The following RBM6 variants were observed in gnomAD, a reference collection of about 807,000 sequenced individuals.
RBM6 encodes the protein RNA-binding protein 6.
RBM6 carries 23 observed loss-of-function variants against 140.4 expected under a neutral mutation model. The ratio of observed to expected loss-of-function variants is 0.16; its 90% CI spans 0.12 to 0.23. The LOEUF is 0.23. Ranked by LOEUF, RBM6 falls within the 10% of genes least tolerant of loss-of-function variation. The pLI is 1.00. For synonymous variants in RBM6, 439 were observed against 475.6 expected, an observed-to-expected ratio of 0.92 and a Z score of 1.00; for missense variants, 1,139 against 1,386.7, an observed-to-expected ratio of 0.82 and a Z score of 2.84.
intron 1 of RBM6, among the ~76,000 whole-genome samples, chr3:49,959,072 C>T (rs9825944): frequency 2.8e-3 from 428 of 150,212 alleles, no homozygotes; most frequent in African/African-American, 0.01. Flanking sequence ...GGATTACAGG[C>T]GTGAGCCACT....
chr3:49,950,957 G>C (rs2083704130), intron 1 of RBM6, among the ~76,000 whole-genome samples: 1 of 152,102 alleles, frequency 6.6e-6, no homozygotes, highest in African/African-American at 2.4e-5. Context: ...ACTATTCATT[G>C]ATGGATGAAT....
chr3:49,946,784 C>G (rs978701206), intron 1 of RBM6, among the ~76,000 whole-genome samples: 3 of 151,638 alleles, frequency 2.0e-5, no homozygotes, highest in Non-Finnish European at 2.9e-5. Context: ...ATCTGTCCAC[C>G]TTGGCCTCCC....
At chr3:50,063,369 G>A (rs905762043) in intron 15 of RBM6, among the ~76,000 whole-genome samples, 16 of 152,082 alleles carry the variant, frequency 1.1e-4, no homozygotes, top group Admixed American at 1.0e-3. Flanking sequence ...CACGTTGGGA[G>A]GCCAAGACAG....
At chr3:49,977,759 C>T (rs966021500) in intron 5 of RBM6, among the ~76,000 whole-genome samples, 1 of 152,134 alleles carries the variant, frequency 6.6e-6, no homozygotes, top group Admixed American at 6.5e-5. Flanking sequence ...TCTTACATAT[C>T]TGTTGAAGAA....
chr3:49,990,652 A>C (rs2085776855), intron 5 of RBM6, among the ~76,000 whole-genome samples: 1 of 152,246 alleles, frequency 6.6e-6, no homozygotes, highest in Non-Finnish European at 1.5e-5. Context: ...CGTATTTATC[A>C]AATGAATCTT....
intron 5 of RBM6, among the ~76,000 whole-genome samples, chr3:49,989,587 TAAATA>T (rs897521974): frequency 1.1e-4 from 17 of 152,046 alleles, no homozygotes; most frequent in East Asian, 3.9e-4. Flanking sequence ...AATAAATAAA[TAAATA>T]AAATAATAAT....
In RBM6 at chr3:50,077,069, C is replaced by G; in HGVS notation, c.3308C>G (p.Ser1103Cys). The change falls in exon 21 of 21, where the codon TCC (serine) becomes TGC (cysteine). Residue 1103 changes from serine to cysteine, a missense_variant. Around this residue, in one of 9 missense-constraint regions of RBM6, gnomAD observed 125 missense variants for 142.0 expected, o/e 0.88. Coordinates refer to ENST00000266022, the MANE Select transcript of RBM6 (RefSeq NM_005777.3). ...GASGRTSKRQSNETYRDAVRR... is the reference protein window; with the variant it reads ...GASGRTSKRQCNETYRDAVRR... ...TCAGGAAGAACCAGCAAAAGACAGT[C>G]CAACGAGACTTACCGAGATGCTGTT... 1 of 1,613,248 alleles carries G rather than the reference C, an allele frequency of 6.2e-7. No individual in the cohort carries two copies. Among genetic ancestry groups the G allele is most frequent in the Non-Finnish European group, 8.5e-7 (1 of 1,179,828 alleles).
intron 4 of RBM6, among the ~76,000 whole-genome samples, chr3:49,974,175 A>T (rs1412716047): frequency 6.6e-6 from 1 of 150,768 alleles, no homozygotes; most frequent in Admixed American, 6.6e-5. Flanking sequence ...AGGATTACAG[A>T]TGTGAGCCAC....
At chr3:50,055,091 C>T (rs547988644) in intron 8 of RBM6, among the ~76,000 whole-genome samples, 1 of 152,242 alleles carries the variant, frequency 6.6e-6, no homozygotes, top group East Asian at 1.9e-4. Context: ...CAAAGTGCTG[C>T]GATTACAGGC....
At chr3:50,031,325 A>G (rs1367277679) in intron 6 of RBM6, among the ~76,000 whole-genome samples, 3 of 152,220 alleles carry the variant, frequency 2.0e-5, no homozygotes, top group Non-Finnish European at 4.4e-5. Context: ...AAGACTTGGA[A>G]CCAATCCAAA....
At chr3:50,040,717 C>T (rs1294025702) in intron 6 of RBM6, among the ~76,000 whole-genome samples, 1 of 150,114 alleles carries the variant, frequency 6.7e-6, no homozygotes, top group African/African-American at 2.5e-5. Flanking sequence ...AATGCAATGG[C>T]GTGAGCTTGG....
At chr3:50,048,503 C>T (rs1559629546) in intron 7 of RBM6, among the ~76,000 whole-genome samples, 184 bp downstream of exon 7, 1 of 152,170 alleles carries the variant, frequency 6.6e-6, no homozygotes, top group African/African-American at 2.4e-5. Flanking sequence ...CCAGCTGCTA[C>T]ATGTGGCCAT....
chr3:50,059,545 C>A, intron 10 of RBM6, 104 bp from the exon 11 acceptor site: 2 of 911,886 alleles, frequency 2.2e-6, no homozygotes, highest in Non-Finnish European at 3.3e-6. Flanking sequence ...AATTTATCCT[C>A]TGAGAAGGAA....
At chr3:49,971,351 A>C (rs1243001227) in intron 3 of RBM6, among the ~76,000 whole-genome samples, 1 of 150,034 alleles carries the variant, frequency 6.7e-6, no homozygotes, top group Non-Finnish European at 1.5e-5. Flanking sequence ...AGGCTGAGGC[A>C]GGAGAATTGC....
At chr3:50,016,937 T>C (rs746492602) in intron 6 of RBM6, among the ~76,000 whole-genome samples, 3 of 150,974 alleles carry the variant, frequency 2.0e-5, no homozygotes, top group Non-Finnish European at 2.9e-5. Context: ...GTAATTCTCA[T>C]GCCTCAGCCT....
At chr3:50,023,362 G>A (rs1420635413) in intron 6 of RBM6, among the ~76,000 whole-genome samples, 1 of 151,976 alleles carries the variant, frequency 6.6e-6, no homozygotes, top group Non-Finnish European at 1.5e-5. Flanking sequence ...CTGGAGTACA[G>A]TGGCGCGATC....
Position 50,006,427 on chromosome 3 carries a change from T to A in RBM6, c.1557+6914T>A, listed in dbSNP as rs543642507. On this transcript the variant is annotated intron_variant, in intron 6 of 20. Transcript: ENST00000266022. Reference sequence around the variant, plus strand: ...CTGGGATTACACATGTGAGCCACTGTGCCCAGCCCAGTGATTGAGACTCGA... The same window carrying A: ...CTGGGATTACACATGTGAGCCACTGAGCCCAGCCCAGTGATTGAGACTCGA... 2.0e-5 allele frequency among the ~76,000 whole-genome samples: 3 copies of A among 152,184 alleles called. No homozygotes were observed. The East Asian group carries it at 5.8e-4, about 30-fold the overall frequency.
At chr3:50,075,410 CTT>C in intron 20 of RBM6, 80 bp downstream of exon 20, 2 of 1,544,762 alleles carry the variant, frequency 1.3e-6, no homozygotes, top group Non-Finnish European at 1.8e-6. Context: ...AGAGTGATGT[CTT>C]TGCCATTTTG....
intron 6 of RBM6, among the ~76,000 whole-genome samples, chr3:50,030,264 C>T (rs1266911509): frequency 8.7e-6 from 1 of 115,318 alleles, no homozygotes; most frequent in Non-Finnish European, 1.7e-5. Flanking sequence ...GCCTGGGTGA[C>T]AGAGTGAGAC....
Sources: allele counts gnomAD v4.1 joint callset (sites outside exome capture counted in the v4.1 genomes callset), GRCh38; gene constraint gnomAD v4.1.1; regional missense constraint gnomAD v4.1.1; transcripts MANE v1.5; gene names NCBI Gene and HGNC (gene_info 2026-07-23, HGNC 2026-07-21).